DGKB: variants seen among roughly 807,000 people sequenced by gnomAD.
The protein encoded by DGKB is diacylglycerol kinase beta.
A neutral mutation model predicts 114.3 loss-of-function variants in DGKB; 67 were observed. That is an observed-to-expected ratio of 0.59 (90% CI 0.48 to 0.72). The LOEUF (loss-of-function observed/expected upper bound fraction) is 0.72. Among genes scored for constraint, DGKB ranks in the 30% least tolerant of loss-of-function variants. DGKB has a pLI of 0.00. For synonymous variants in DGKB, 398 were observed against 323.1 expected (o/e 1.23, Z -2.49); for missense variants, 907 against 975.2 (o/e 0.93, Z 0.93).
Position 14,796,707 on chromosome 7 carries a change from T to A in DGKB, c.71-38976A>T, listed in dbSNP as rs1048325141. Among the ~76,000 whole-genome samples the A allele has an allele frequency of 3.3e-5, 5 of 150,938 alleles. No homozygotes were observed. In the East Asian group the frequency reaches 7.8e-4, roughly 24 times the overall value. On this transcript the variant is annotated intron_variant, in intron 2 of 25. Coordinates refer to ENST00000402815, the MANE Select transcript of DGKB (RefSeq NM_001350709.2). ...GAAAGTAAAAAAAAAAAAAAAGTATTTGCTTATTATGAGAAATTTTTGAGA... is the reference window on the plus strand; with the variant it reads ...GAAAGTAAAAAAAAAAAAAAAGTATATGCTTATTATGAGAAATTTTTGAGA...
intron 20 of DGKB, among the ~76,000 whole-genome samples, chr7:14,483,013 T>A (rs1783213652): frequency 6.6e-6 from 1 of 152,178 alleles, no homozygotes; most frequent in African/African-American, 2.4e-5. Flanking sequence ...CCTGGCATTT[T>A]TTTTTTTGGA....
intron 2 of DGKB, among the ~76,000 whole-genome samples, chr7:14,833,451 T>A (rs548122972): frequency 6.6e-6 from 1 of 152,128 alleles, no homozygotes; most frequent in Non-Finnish European, 1.5e-5. Context: ...TGTTAATAAA[T>A]AGGTTCTTAA....
intron 6 of DGKB, among the ~76,000 whole-genome samples, chr7:14,716,512 T>G (rs971499033): frequency 2.0e-5 from 3 of 152,220 alleles, no homozygotes; most frequent in Non-Finnish European, 4.4e-5. Flanking sequence ...CTGGTCTATA[T>G]TGTATTTAGT....
intron 6 of DGKB, among the ~76,000 whole-genome samples, chr7:14,706,503 C>T (rs1168052798): frequency 3.3e-4 from 50 of 149,336 alleles, no homozygotes; most frequent in Non-Finnish European, 6.4e-4. Context: ...CCCAAATCAA[C>T]AGAATATACA....
At chr7:14,929,808 CAG>C (rs1784915125) in intron 1 of DGKB, among the ~76,000 whole-genome samples, 1 of 152,088 alleles carries the variant, frequency 6.6e-6, no homozygotes, top group African/African-American at 2.4e-5. Flanking sequence ...GACTAATGTC[CAG>C]AAAAATTTTC....
At chr7:14,974,013 A>G (rs1787649784) in intron 1 of DGKB, among the ~76,000 whole-genome samples, 1 of 151,684 alleles carries the variant, frequency 6.6e-6, no homozygotes, top group East Asian at 1.9e-4. Context: ...TCCTCTTATG[A>G]GTTTCAGATT....
At chr7:14,930,531 T>C (rs973972644) in intron 1 of DGKB, among the ~76,000 whole-genome samples, 1 of 152,176 alleles carries the variant, frequency 6.6e-6, no homozygotes, top group Non-Finnish European at 1.5e-5. Context: ...TATATAAAAG[T>C]GCTACTGATT....
intron 23 of DGKB, among the ~76,000 whole-genome samples, chr7:14,221,903 G>C (rs1790039700): frequency 6.6e-6 from 1 of 151,224 alleles, no homozygotes; most frequent in Non-Finnish European, 1.5e-5. Context: ...GTCTTTCTAA[G>C]AGTATGTTCA....
chr7:14,292,078 A>C (rs1465123889), intron 23 of DGKB, among the ~76,000 whole-genome samples: 1 of 152,210 alleles, frequency 6.6e-6, no homozygotes. Flanking sequence ...GGAAAGCAGC[A>C]GAAAATACAA....
intron 1 of DGKB, among the ~76,000 whole-genome samples, chr7:14,910,262 GAAAGA>G (rs1562868972): frequency 8.6e-6 from 1 of 116,722 alleles, no homozygotes; most frequent in Non-Finnish European, 1.7e-5. Flanking sequence ...AAGAAAGAAA[GAAAGA>G]AAGAAAGAAA....
At chr7:14,220,936 A>ATAAT in intron 23 of DGKB, among the ~76,000 whole-genome samples, 1 of 151,266 alleles carries the variant, frequency 6.6e-6, no homozygotes, top group Non-Finnish European at 1.5e-5. Context: ...TTCTGAGGCT[A>ATAAT]TAATAAAATT....
chr7:14,557,352 T>C (rs904525885), intron 20 of DGKB, among the ~76,000 whole-genome samples: 15 of 152,320 alleles, frequency 9.8e-5, no homozygotes, highest in Non-Finnish European at 1.5e-4. Flanking sequence ...TTAAATTTAT[T>C]ATGCTGTGTA....
rs147063719 is a variant in DGKB, at chr7:14,787,219, G to T, written c.71-29488C>A. On this transcript the variant is annotated intron_variant, in intron 2 of 25. Coordinates refer to ENST00000402815, the MANE Select transcript of DGKB (RefSeq NM_001350709.2). The stretch of plus-strand genomic sequence containing the variant: ...CAACAGTAGGACACAATTTTATAGC[G>T]GAGTGTGGGGGCAGAAGATGTACCA... Among the ~76,000 whole-genome samples the T allele has an allele frequency of 3.4e-3, 510 of 152,160 alleles. 3 individuals are homozygous for T. The highest frequency in any genetic ancestry group is 0.01 in the Middle Eastern group (3 of 294).
intron 21 of DGKB, among the ~76,000 whole-genome samples, chr7:14,370,647 T>C (rs900913555): frequency 3.3e-5 from 5 of 152,142 alleles, no homozygotes; most frequent in African/African-American, 9.7e-5. Flanking sequence ...TCACTTCCCT[T>C]GTAAGTGAGT....
chr7:14,826,365 T>G (rs1202858198), intron 2 of DGKB, among the ~76,000 whole-genome samples: 1 of 152,170 alleles, frequency 6.6e-6, no homozygotes, highest in Non-Finnish European at 1.5e-5. Flanking sequence ...CTTGGACCAG[T>G]TGATTCCAGG....
chr7:14,687,722 C>T (rs954597138), intron 9 of DGKB, among the ~76,000 whole-genome samples: 11 of 152,082 alleles, frequency 7.2e-5, no homozygotes, highest in Non-Finnish European at 1.0e-4. Context: ...AGCTAATTTT[C>T]GTATATATTA....
At chr7:14,313,915 C>T (rs540766239) in intron 23 of DGKB, among the ~76,000 whole-genome samples, 2 of 152,220 alleles carry the variant, frequency 1.3e-5, no homozygotes, top group East Asian at 1.9e-4. Flanking sequence ...GTGGTTCTCC[C>T]AGTGCGCAGC....
intron 23 of DGKB, among the ~76,000 whole-genome samples, chr7:14,202,382 C>T (rs1475412920): frequency 6.6e-6 from 1 of 151,870 alleles, no homozygotes; most frequent in African/African-American, 2.4e-5. Context: ...ATGGAAAGTG[C>T]CTTTAGGTAT....
chr7:14,673,201 AC>A, intron 12 of DGKB, among the ~76,000 whole-genome samples, 174 bp from the exon 13 acceptor site: 1 of 152,190 alleles, frequency 6.6e-6, no homozygotes. Flanking sequence ...TTATATATGA[AC>A]CCTAAATAAA....
Sources: gnomAD v4.1 joint callset for allele counts (sites outside exome capture counted in the v4.1 genomes callset) on GRCh38, gnomAD v4.1.1 for gene constraint, MANE v1.5 for transcripts, NCBI Gene and HGNC (gene_info 2026-07-23, HGNC 2026-07-21) for gene names.